The following FGD6 variants were observed in gnomAD, a reference collection of about 807,000 sequenced individuals.
The protein encoded by FGD6 is FYVE, RhoGEF and PH domain-containing protein 6.
FGD6 carries 90 observed loss-of-function variants against 149.4 expected under a neutral mutation model. That is an observed-to-expected ratio of 0.60 (90% confidence interval 0.51 to 0.72). The LOEUF (loss-of-function observed/expected upper bound fraction) is 0.72. Ranked by LOEUF, FGD6 falls within the 30% of genes least tolerant of loss-of-function variation. The pLI is 0.00. For missense variants in FGD6, 1,437 were observed against 1,684.8 expected, an observed-to-expected ratio of 0.85 and a Z score of 2.57; for synonymous variants, 527 against 584.0, an observed-to-expected ratio of 0.90 and a Z score of 1.41.
Position 95,085,827 on chromosome 12 carries a change from A to G in FGD6, c.4060T>C (p.Trp1354Arg). The part of the protein sequence containing the change: ...KGNKKPWKHF[W>R]FVIKNKVLYT... ...AGTACTTTATTTTTTATGACAAACC[A>G]AAAGTGTTTCCAGGGTTTTTTATTG... Residue 1354 changes from tryptophan (W) to arginine (R), a missense_variant, in exon 19 of 21, where the codon TGG becomes CGG. Coordinates refer to ENST00000343958, the MANE Select transcript of FGD6 (RefSeq NM_018351.4). 1.2e-6 allele frequency: 2 copies of G among 1,613,958 alleles called. No individual in the cohort carries two copies.
At chr12:95,081,687 T>TTA (rs1206968788) in intron 20 of FGD6, 131 bp from the exon 21 acceptor site, 3 of 263,540 alleles carry the variant, frequency 1.1e-5, no homozygotes, top group African/African-American at 2.3e-5. Flanking sequence ...ATATATGTAT[T>TTA]TTTTTTTTTT....
At chr12:95,214,307 GAAT>G (rs1565926752) in intron 1 of FGD6, among the ~76,000 whole-genome samples, 1 of 152,078 alleles carries the variant, frequency 6.6e-6, no homozygotes, top group Non-Finnish European at 1.5e-5. Context: ...TTTTAATGTA[GAAT>G]AATATTTTGA....
rs749750390 is a variant in FGD6, at chr12:95,094,709, A to G, written c.3498-15T>C. ...CTGTGGCAGAACTGTTGGGGGCAAA[A>G]GGTTTCATCAACCAGATGTCAGTTT... On this transcript the variant is annotated splice_polypyrimidine_tract_variant and intron_variant, in intron 14 of 20. Transcript: ENST00000343958. The G allele has an allele frequency of 5.1e-6, 8 of 1,575,732 alleles. No individual in the cohort carries two copies. In the Middle Eastern group the frequency reaches 5.0e-4, roughly 98 times the overall value.
chr12:95,145,548 G>A (rs79729757), intron 5 of FGD6, among the ~76,000 whole-genome samples: 2,777 of 152,172 alleles, frequency 0.018, 82 homozygotes, highest in African/African-American at 0.062. Context: ...TTTCTTGTTA[G>A]TAATTTTCCA....
At chr12:95,202,884 T>C (rs1468142666) in intron 2 of FGD6, among the ~76,000 whole-genome samples, 9 of 152,192 alleles carry the variant, frequency 5.9e-5, no homozygotes, top group African/African-American at 2.2e-4. Context: ...TCCTGAGCTG[T>C]CTCTGAAAAT....
intron 3 of FGD6, among the ~76,000 whole-genome samples, chr12:95,166,924 T>C (rs1165319495): frequency 6.6e-6 from 1 of 151,048 alleles, no homozygotes; most frequent in East Asian, 1.9e-4. Context: ...TGGCATGACC[T>C]TGGCTTGCTG....
chr12:95,112,132 G>A (rs958643333), intron 9 of FGD6, among the ~76,000 whole-genome samples: 5 of 152,032 alleles, frequency 3.3e-5, no homozygotes, highest in Non-Finnish European at 7.3e-5. Flanking sequence ...TACTTGGAGG[G>A]CTGAGGCAAG....
intron 8 of FGD6, among the ~76,000 whole-genome samples, chr12:95,130,717 T>A (rs1182965033): frequency 1.3e-5 from 2 of 151,190 alleles, no homozygotes; most frequent in Non-Finnish European, 2.9e-5. Flanking sequence ...TGTTTTTACA[T>A]AAAATTTAAA....
chr12:95,209,495 C>T lies in FGD6; in HGVS notation c.1789G>A (p.Ala597Thr), dbSNP rs1555223156. ...TVSSNSEPST[A>T]LTKPRAKSLS... ...GATTTTGCTCTGGGCTTGGTTAGGG[C>T]TGTTGAAGGCTCACTGTTTGACGAT... Residue 597 changes from alanine (A) to threonine (T), a missense_variant, in exon 2 of 21, where the codon GCC becomes ACC. Ala to Thr is a moderately conservative substitution (Grantham distance 58, BLOSUM62 0). Around this residue, in one of 2 missense-constraint regions of FGD6, gnomAD observed 1,055 missense variants for 1,146.0 expected, o/e 0.92. Coordinates refer to ENST00000343958, the MANE Select transcript of FGD6 (RefSeq NM_018351.4). 1.2e-6 allele frequency: 2 copies of T among 1,613,188 alleles called. No homozygotes were observed. Among genetic ancestry groups the T allele is most frequent in the South Asian group, 2.2e-5 (2 of 90,816 alleles).
intron 5 of FGD6, among the ~76,000 whole-genome samples, chr12:95,148,677 GTTATA>G (rs1361357596): frequency 1.8e-4 from 18 of 101,890 alleles, no homozygotes; most frequent in South Asian, 5.8e-4. Flanking sequence ...CATAGCATAT[GTTATA>G]TTATATATAT....
chr12:95,100,064 C>T (rs1017790171), intron 14 of FGD6, among the ~76,000 whole-genome samples: 4 of 129,890 alleles, frequency 3.1e-5, no homozygotes, highest in Non-Finnish European at 6.6e-5. Flanking sequence ...ATCCCCCCCC[C>T]CCCCACCCCA....
chr12:95,144,988 C>CTTTT (rs34338776), intron 5 of FGD6, among the ~76,000 whole-genome samples: 2,056 of 98,828 alleles, frequency 0.021, 239 homozygotes, highest in African/African-American at 0.081. Context: ...CGCACCCGGC[C>CTTTT]TTTTTTTTTT....
intron 2 of FGD6, among the ~76,000 whole-genome samples, chr12:95,186,781 T>C (rs1881448918): frequency 6.6e-6 from 1 of 152,174 alleles, no homozygotes; most frequent in South Asian, 2.1e-4. Context: ...GTATATTTCC[T>C]TTGGGGCAAA....
intron 3 of FGD6, among the ~76,000 whole-genome samples, chr12:95,165,649 T>A (rs966560901): frequency 1.3e-5 from 2 of 151,568 alleles, no homozygotes; most frequent in Non-Finnish European, 2.9e-5. Flanking sequence ...ATTTTGTTTT[T>A]TCCTAAGTGA....
chr12:95,136,628 A>C (rs1879674736), intron 7 of FGD6, among the ~76,000 whole-genome samples: 1 of 152,216 alleles, frequency 6.6e-6, no homozygotes, highest in Non-Finnish European at 1.5e-5. Context: ...TTTGGCACCA[A>C]AACCATGTTA....
At chr12:95,134,458 T>A (rs1206082204) in intron 8 of FGD6, among the ~76,000 whole-genome samples, 5 of 152,238 alleles carry the variant, frequency 3.3e-5, no homozygotes, top group African/African-American at 9.6e-5. Context: ...TGCACGGGTA[T>A]GGGCTTGGGA....
intron 3 of FGD6, among the ~76,000 whole-genome samples, chr12:95,164,814 T>A (rs903619536): frequency 6.6e-5 from 10 of 152,128 alleles, no homozygotes; most frequent in African/African-American, 2.4e-4. Flanking sequence ...AATGTTAACA[T>A]CCAGACTGCC....
At chr12:95,097,283 G>T (rs1015316686) in intron 14 of FGD6, among the ~76,000 whole-genome samples, 5 of 152,138 alleles carry the variant, frequency 3.3e-5, no homozygotes, top group Non-Finnish European at 4.4e-5. Context: ...TATAGTACAA[G>T]AAAGCAAATT....
Position 95,100,065 on chromosome 12 carries a change from C to G in FGD6, c.3497+4942G>C, listed in dbSNP as rs926578331. Among the ~76,000 whole-genome samples, 48 of 83,554 alleles carry G rather than the reference C, an allele frequency of 5.7e-4. 3 individuals are homozygous for G. The South Asian group carries it at 0.02, about 34-fold the overall frequency. The allele number at this position is 83,554 out of a possible 152,430, so 54.8% of individuals were successfully genotyped here. On this transcript the variant is annotated intron_variant, in intron 14 of 20. Transcript: ENST00000343958. ...AGATAACTTTTCTGATCCCCCCCCC[C>G]CCCACCCCATATAAGTTCTTGACCT... is the stretch of plus-strand genomic sequence containing the variant.
Sources: gnomAD v4.1 joint callset for allele counts (sites outside exome capture counted in the v4.1 genomes callset) on GRCh38, gnomAD v4.1.1 for gene constraint, gnomAD v4.1.1 regional missense constraint, MANE v1.5 for transcripts, NCBI Gene and HGNC (gene_info 2026-07-23, HGNC 2026-07-21) for gene names.